SDCCAG8: variants seen among roughly 807,000 people sequenced by gnomAD.
SDCCAG8 encodes the protein serologically defined colon cancer antigen 8.
SDCCAG8 carries 74 observed loss-of-function variants against 101.8 expected under a neutral mutation model. That is an observed-to-expected ratio of 0.73 (90% CI 0.60 to 0.88). The LOEUF (loss-of-function observed/expected upper bound fraction) is 0.88. Ranked by LOEUF, SDCCAG8 falls within the 40% of genes least tolerant of loss-of-function variation. The pLI, the probability that SDCCAG8 is intolerant of heterozygous loss-of-function variation, is 0.00. For synonymous variants in SDCCAG8, 281 were observed against 292.9 expected (o/e 0.96, Z 0.41); for missense variants, 787 against 822.6 (o/e 0.96, Z 0.53).
At chr1:243,451,868 G>A (rs1379328726) in intron 16 of SDCCAG8, among the ~76,000 whole-genome samples, 2 of 152,194 alleles carry the variant, frequency 1.3e-5, no homozygotes, top group Non-Finnish European at 2.9e-5. Flanking sequence ...GGCAGAGGTT[G>A]CCGTGAGCTG....
chr1:243,352,734 A>G (rs547705358), intron 12 of SDCCAG8, among the ~76,000 whole-genome samples: 13 of 152,332 alleles, frequency 8.5e-5, no homozygotes, highest in African/African-American at 3.1e-4. Flanking sequence ...CCATCACCCA[A>G]ACAGTGTAAA....
In SDCCAG8 at chr1:243,350,096, A is replaced by G. The variant is rs555130123; in HGVS notation, c.1473+5765A>G. ...GATGGAGTGTAAGGACACAGGAATTATCGCCTAAATTCAGTTGAATTAACT... is the reference window on the plus strand; with the variant it reads ...GATGGAGTGTAAGGACACAGGAATTGTCGCCTAAATTCAGTTGAATTAACT... On this transcript the variant is annotated intron_variant, in intron 12 of 17. Coordinates refer to ENST00000366541, the MANE Select transcript of SDCCAG8 (RefSeq NM_006642.5). Among the ~76,000 whole-genome samples the G allele has an allele frequency of 4.6e-5, 7 of 152,366 alleles. No individual in the cohort carries two copies. The East Asian group carries it at 1.2e-3, about 25-fold the overall frequency.
At chr1:243,492,428 A>G (rs1199157554) in intron 17 of SDCCAG8, among the ~76,000 whole-genome samples, 1 of 143,592 alleles carries the variant, frequency 7.0e-6, no homozygotes, top group Non-Finnish European at 1.5e-5. Flanking sequence ...CAGGCTCCCA[A>G]GTAGCTGGGA....
intron 16 of SDCCAG8, among the ~76,000 whole-genome samples, chr1:243,439,310 C>A (rs896828361): frequency 2.6e-5 from 4 of 152,006 alleles, no homozygotes; most frequent in African/African-American, 9.7e-5. Context: ...CATGCCACTG[C>A]ACCCAGTTTA....
intron 17 of SDCCAG8, among the ~76,000 whole-genome samples, chr1:243,496,559 G>A (rs1667953592): frequency 6.6e-6 from 1 of 152,234 alleles, no homozygotes; most frequent in South Asian, 2.1e-4. Flanking sequence ...GGGGGGAAGG[G>A]GTTGTTACCT....
chr1:243,378,634 T>C (rs764422434), intron 12 of SDCCAG8, 87 bp from the exon 13 acceptor site: 33 of 1,435,372 alleles, frequency 2.3e-5, no homozygotes, highest in Middle Eastern at 2.2e-4. Flanking sequence ...CAAATTGAAA[T>C]TCATGGCAAA....
intron 1 of SDCCAG8, among the ~76,000 whole-genome samples, chr1:243,259,732 T>C (rs1374711788): frequency 5.3e-5 from 8 of 151,708 alleles, no homozygotes; most frequent in Admixed American, 5.3e-4. Context: ...GGCAGGAGAA[T>C]TGCTTGAGCC....
chr1:243,349,826 G>A (rs903655159), intron 12 of SDCCAG8, among the ~76,000 whole-genome samples: 4 of 150,860 alleles, frequency 2.7e-5, no homozygotes, highest in African/African-American at 4.9e-5. Context: ...TATAGAAAGC[G>A]TCTTTCTTTT....
intron 12 of SDCCAG8, among the ~76,000 whole-genome samples, chr1:243,359,088 AT>A (rs1299055066): frequency 2.0e-5 from 3 of 152,104 alleles, no homozygotes; most frequent in Non-Finnish European, 4.4e-5. Flanking sequence ...CCAGGTAGAG[AT>A]TTATTCCCTA....
At chr1:243,483,749 G>T (rs1664246848) in intron 16 of SDCCAG8, among the ~76,000 whole-genome samples, 3 of 151,972 alleles carry the variant, frequency 2.0e-5, no homozygotes, top group African/African-American at 2.4e-5. Context: ...CCGTCTCCCA[G>T]TTTTCCTCCC....
chr1:243,494,244 T>G (rs1321123785), intron 17 of SDCCAG8, among the ~76,000 whole-genome samples: 1 of 152,214 alleles, frequency 6.6e-6, no homozygotes, highest in Non-Finnish European at 1.5e-5. Flanking sequence ...ATCCTGATTT[T>G]CACCCGAATT....
Position 243,258,553 on chromosome 1 carries a change from C to T in SDCCAG8, c.67+2313C>T, listed in dbSNP as rs151337844. ...CCAAGTAGCTGGGATTACAGGCACG[C>T]GCCACCATGCCCGGCTAATTTTTGT... On this transcript the variant is annotated intron_variant, in intron 1 of 17. Transcript: ENST00000366541. Among the ~76,000 whole-genome samples, 562 of 152,214 alleles carry T rather than the reference C, an allele frequency of 3.7e-3. 1 individual carries two copies. The highest frequency in any genetic ancestry group is 0.013 in the African/African-American group (527 of 41,532).
intron 10 of SDCCAG8, among the ~76,000 whole-genome samples, chr1:243,338,421 C>CTT (rs201615104): frequency 1.4e-5 from 2 of 140,950 alleles, no homozygotes; most frequent in Non-Finnish European, 3.1e-5. Context: ...CCTTACTTTT[C>CTT]TTTTTTTTTT....
chr1:243,360,017 A>G (rs2147848221), intron 12 of SDCCAG8, among the ~76,000 whole-genome samples: 1 of 152,128 alleles, frequency 6.6e-6, no homozygotes, highest in Non-Finnish European at 1.5e-5. Context: ...TCATTTCCCT[A>G]GTGATGAATG....
chr1:243,343,502 A>C (rs1298325809), intron 11 of SDCCAG8, among the ~76,000 whole-genome samples: 1 of 152,270 alleles, frequency 6.6e-6, no homozygotes, highest in Non-Finnish European at 1.5e-5. Context: ...CAACACTTTT[A>C]AGATACTATG....
chr1:243,477,233 C>T (rs1197563268), intron 16 of SDCCAG8, among the ~76,000 whole-genome samples: 1 of 152,144 alleles, frequency 6.6e-6, no homozygotes, highest in African/African-American at 2.4e-5. Flanking sequence ...TGTGGGTTTT[C>T]CTGCTGGTGC....
chr1:243,334,474 T>C (rs543746040), intron 10 of SDCCAG8, among the ~76,000 whole-genome samples: 1 of 152,370 alleles, frequency 6.6e-6, no homozygotes, highest in South Asian at 2.1e-4. Context: ...CCCAAGCATG[T>C]ACATATGCCT....
intron 16 of SDCCAG8, among the ~76,000 whole-genome samples, chr1:243,469,333 T>C (rs568363039): frequency 4.5e-4 from 68 of 152,318 alleles, no homozygotes; most frequent in African/African-American, 1.6e-3. Context: ...CTTGTATATG[T>C]AGCTACCTAC....
At chr1:243,298,235 GA>G (rs1228343781) in intron 6 of SDCCAG8, among the ~76,000 whole-genome samples, 8 of 151,440 alleles carry the variant, frequency 5.3e-5, no homozygotes, top group Non-Finnish European at 8.8e-5. Flanking sequence ...ATTTTTAGTA[GA>G]GACGGAGTTT....
Sources: gnomAD v4.1 joint callset for allele counts (sites outside exome capture counted in the v4.1 genomes callset) on GRCh38, gnomAD v4.1.1 for gene constraint, MANE v1.5 for transcripts, NCBI Gene and HGNC (gene_info 2026-07-23, HGNC 2026-07-21) for gene names.